The following TMED3 variants were observed in gnomAD, a reference collection of about 807,000 sequenced individuals.
TMED3 encodes transmembrane emp24 domain-containing protein 3.
TMED3 carries 9 observed loss-of-function variants against 15.0 expected under a neutral mutation model. The observed-to-expected ratio is 0.60, with a 90% CI of 0.36 to 1.04. The LOEUF is 1.04. TMED3 is among the 50% of genes least tolerant of loss of function. The pLI is 0.01. For synonymous variants in TMED3, 117 were observed against 121.4 expected (o/e 0.96, Z 0.24); for missense variants, 267 against 278.9 (o/e 0.96, Z 0.30).
At chr15:79,314,962 C>T (rs868571998) in intron 2 of TMED3, among the ~76,000 whole-genome samples, 9 of 152,202 alleles carry the variant, frequency 5.9e-5, no homozygotes, top group Non-Finnish European at 5.9e-5. Flanking sequence ...GGAAGGAGCT[C>T]ACCAAATACT....
intron 2 of TMED3, among the ~76,000 whole-genome samples, chr15:79,410,690 G>A (rs1029581623): frequency 7.5e-6 from 1 of 132,890 alleles, no homozygotes; most frequent in Non-Finnish European, 1.8e-5. Flanking sequence ...ATGTGTATAT[G>A]TGTGTGTGTA....
At chr15:79,365,274 G>C (rs577349764) in intron 2 of TMED3, among the ~76,000 whole-genome samples, 6 of 152,330 alleles carry the variant, frequency 3.9e-5, no homozygotes, top group African/African-American at 1.4e-4. Flanking sequence ...ATTTGTAACT[G>C]ATTAAAGACG....
At position 79,395,004 on chromosome 15, in the gene TMED3, A is replaced by G. The variant is rs548755346; in HGVS notation, c.418-16396A>G. Among the ~76,000 whole-genome samples, 9 of 152,320 alleles carry G rather than the reference A, an allele frequency of 5.9e-5. No individual in the cohort carries two copies. The South Asian group carries it at 1.9e-3, about 32-fold the overall frequency. On this transcript the variant is annotated intron_variant, in intron 2 of 2. Transcript: ENST00000424155. ...GCACTGTGTTATAGGCTATCAAGCT[A>G]TGTAAGTGGAAAAATGTTACTGATA...
At chr15:79,403,077 C>T (rs1156830097) in intron 2 of TMED3, among the ~76,000 whole-genome samples, 1 of 151,474 alleles carries the variant, frequency 6.6e-6, no homozygotes, top group Non-Finnish European at 1.5e-5. Context: ...AAAAAGTCAG[C>T]CAGGTGTGGT....
chr15:79,331,985 G>A lies in TMED3; in HGVS notation c.417+17980G>A, dbSNP rs534541180. Among the ~76,000 whole-genome samples the A allele has an allele frequency of 1.9e-3, 287 of 152,238 alleles. 1 individual carries two copies. Among genetic ancestry groups the A allele is most frequent in the African/African-American group, 6.5e-3 (272 of 41,538 alleles). ...GGAGGATTGCTTGAACCTGGGAGAC[G>A]GAGGCTGCTGTGTGCTATGATTGTA... is the stretch of plus-strand genomic sequence containing the variant. On this transcript the variant is annotated intron_variant, in intron 2 of 2. Coordinates refer to the TMED3 transcript ENST00000424155.
At chr15:79,387,117 A>G (rs1435939507) in intron 2 of TMED3, among the ~76,000 whole-genome samples, 1 of 152,076 alleles carries the variant, frequency 6.6e-6, no homozygotes, top group African/African-American at 2.4e-5. Context: ...CAAAATGCCA[A>G]ACATTCTCTG....
At chr15:79,341,505 A>G (rs2058851602) in intron 2 of TMED3, among the ~76,000 whole-genome samples, 1 of 152,198 alleles carries the variant, frequency 6.6e-6, no homozygotes, top group South Asian at 2.1e-4. Flanking sequence ...TAGGTAGGCG[A>G]GCCCATGGCC....
At chr15:79,342,295 G>A (rs996077875) in intron 2 of TMED3, among the ~76,000 whole-genome samples, 5 of 152,084 alleles carry the variant, frequency 3.3e-5, no homozygotes, top group African/African-American at 1.2e-4. Context: ...ACAAGATGTT[G>A]TATACAAGAA....
At chr15:79,397,091 A>G (rs1893772197) in intron 2 of TMED3, among the ~76,000 whole-genome samples, 1 of 152,140 alleles carries the variant, frequency 6.6e-6, no homozygotes. Context: ...CAGGTTTTAA[A>G]ACCATGACAC....
intron 2 of TMED3, among the ~76,000 whole-genome samples, chr15:79,378,152 G>T: frequency 6.6e-6 from 1 of 152,038 alleles, no homozygotes; most frequent in East Asian, 1.9e-4. Context: ...TGACCATAAG[G>T]CTCTAAGTGT....
intron 2 of TMED3, chr15:79,384,706 C>T (rs1040227449): frequency 2.6e-5 from 4 of 152,148 alleles, no homozygotes; most frequent in African/African-American, 9.7e-5. Flanking sequence ...TAAAATTTGA[C>T]CTTTACCTTA....
At chr15:79,382,837 G>A in intron 2 of TMED3, 3 of 824,694 alleles carry the variant, frequency 3.6e-6, no homozygotes, top group Admixed American at 2.1e-5. Flanking sequence ...AGATATAGGT[G>A]CAGGGAAGCT....
chr15:79,386,704 A>ATTTTTTTTT (rs35828266), intron 2 of TMED3, among the ~76,000 whole-genome samples: 1 of 125,182 alleles, frequency 8.0e-6, no homozygotes, highest in Non-Finnish European at 1.6e-5. Context: ...ATGCCTGGCT[A>ATTTTTTTTT]TTTTTTTTTT....
chr15:79,378,588 A>G (rs1047165983), intron 2 of TMED3, among the ~76,000 whole-genome samples: 3 of 152,190 alleles, frequency 2.0e-5, no homozygotes, highest in Admixed American at 2.0e-4. Flanking sequence ...TCACATGACC[A>G]TATGACATGC....
intron 2 of TMED3, among the ~76,000 whole-genome samples, chr15:79,404,611 G>A (rs1239573019): frequency 6.6e-6 from 1 of 152,140 alleles, no homozygotes; most frequent in Non-Finnish European, 1.5e-5. Flanking sequence ...CCTTCCTCAG[G>A]CCTTTCCTTT....
At chr15:79,323,610 C>G (rs1482585941), downstream of TMED3, among the ~76,000 whole-genome samples, 1 of 152,234 alleles carries the variant, frequency 6.6e-6, no homozygotes, top group Non-Finnish European at 1.5e-5. Flanking sequence ...CCCATTGCTT[C>G]TGGAATGTTC....
intron 2 of TMED3, among the ~76,000 whole-genome samples, chr15:79,329,221 G>A (rs1264542676): frequency 6.6e-6 from 1 of 152,182 alleles, no homozygotes; most frequent in East Asian, 1.9e-4. Flanking sequence ...AACAACCAGG[G>A]CCTGGCCTTT....
At chr15:79,371,644 A>T (rs1331484101) in intron 2 of TMED3, among the ~76,000 whole-genome samples, 1 of 152,170 alleles carries the variant, frequency 6.6e-6, no homozygotes, top group South Asian at 2.1e-4. Context: ...GGGTATCTAA[A>T]CTGTCTTCAT....
At chr15:79,393,449 T>G (rs1182338479) in intron 2 of TMED3, among the ~76,000 whole-genome samples, 5 of 152,190 alleles carry the variant, frequency 3.3e-5, no homozygotes, top group Admixed American at 3.3e-4. Flanking sequence ...TGTAGACACA[T>G]GAGCACTATG....
Sources: allele counts gnomAD v4.1 joint callset (sites outside exome capture counted in the v4.1 genomes callset), GRCh38; gene constraint gnomAD v4.1.1; transcripts MANE v1.5; gene names NCBI Gene and HGNC (gene_info 2026-07-23, HGNC 2026-07-21).